FGF1: variants seen among roughly 807,000 people sequenced by gnomAD.
The protein encoded by FGF1 is beta-endothelial cell growth factor.
A neutral mutation model predicts 13.4 loss-of-function variants in FGF1; 9 were observed. The ratio of observed to expected loss-of-function variants is 0.67; its 90% CI spans 0.40 to 1.17. FGF1 has a LOEUF of 1.17. Ranked by LOEUF, FGF1 falls within the 50% of genes most tolerant of loss-of-function variation. The probability of loss-of-function intolerance (pLI) is 0.01; values close to 1 mark genes in which losing one functional copy is unlikely to be tolerated. For synonymous variants in FGF1, 93 were observed against 79.0 expected (o/e 1.18, Z -0.94); for missense variants, 156 against 192.7 (o/e 0.81, Z 1.13).
intron 1 of FGF1, among the ~76,000 whole-genome samples, chr5:142,637,778 A>G (rs1275911341): frequency 6.6e-6 from 1 of 152,046 alleles, no homozygotes; most frequent in Non-Finnish European, 1.5e-5. Context: ...TGGTGTGAGT[A>G]TGATCTCAAG....
rs1337432941 is a variant in FGF1 at position 142,610,601 on chromosome 5, T to C, written c.169+3358A>G. Among the ~76,000 whole-genome samples the C allele has an allele frequency of 2.6e-5, 4 of 152,308 alleles. No homozygotes were observed. The East Asian group carries it at 5.8e-4, about 22-fold the overall frequency. ...ACAACATGAACCTTCTCACAAACTG[T>C]GCCCATCAGCCCTGGAATCTATGCA... On this transcript the variant is annotated intron_variant, in intron 2 of 3. Transcript: ENST00000337706.
intron 2 of FGF1, among the ~76,000 whole-genome samples, chr5:142,612,935 A>T (rs917335962): frequency 1.3e-5 from 2 of 152,272 alleles, no homozygotes; most frequent in African/African-American, 4.8e-5. Context: ...AATTAAGACC[A>T]CCTGATGTAT....
chr5:142,661,077 C>T (rs1326502928), intron 1 of FGF1, among the ~76,000 whole-genome samples: 1 of 152,206 alleles, frequency 6.6e-6, no homozygotes, highest in Non-Finnish European at 1.5e-5. Context: ...TGCAGGCTTG[C>T]CATAGCTAAT....
chr5:142,695,587 G>GA (rs70991777), intron 2 of FGF1, among the ~76,000 whole-genome samples: 70 of 115,270 alleles, frequency 6.1e-4, no homozygotes, highest in Admixed American at 1.9e-3. Flanking sequence ...GTATCAAAAA[G>GA]AAAAAAAAAA....
intron 1 of FGF1, among the ~76,000 whole-genome samples, chr5:142,656,087 A>T (rs889491978): frequency 6.6e-6 from 1 of 152,224 alleles, no homozygotes; most frequent in African/African-American, 2.4e-5. Flanking sequence ...AATTGTTTTT[A>T]AAATTTCTAA....
chr5:142,677,113 A>G (rs1161028519), intron 1 of FGF1, among the ~76,000 whole-genome samples: 2 of 152,208 alleles, frequency 1.3e-5, no homozygotes, highest in Non-Finnish European at 2.9e-5. Context: ...TGGAGCATTC[A>G]TTCTCAACTT....
intron 1 of FGF1, among the ~76,000 whole-genome samples, chr5:142,661,494 A>C (rs1597371332): frequency 6.6e-6 from 1 of 152,380 alleles, no homozygotes; most frequent in East Asian, 1.9e-4. Context: ...TATGCAACTA[A>C]GAGAAATGAA....
At chr5:142,696,226 T>C (rs1753089059) in intron 2 of FGF1, among the ~76,000 whole-genome samples, 1 of 152,222 alleles carries the variant, frequency 6.6e-6, no homozygotes, top group Non-Finnish European at 1.5e-5. Flanking sequence ...TAATACATTT[T>C]TATGGCATGT....
At chr5:142,644,663 G>A (rs1765721565) in intron 1 of FGF1, among the ~76,000 whole-genome samples, 1 of 152,150 alleles carries the variant, frequency 6.6e-6, no homozygotes, top group African/African-American at 2.4e-5. Flanking sequence ...CCCTGAGCAT[G>A]CATGTCATAT....
chr5:142,623,976 A>G (rs1235788024), intron 1 of FGF1, among the ~76,000 whole-genome samples: 2 of 151,824 alleles, frequency 1.3e-5, no homozygotes, highest in Non-Finnish European at 2.9e-5. Flanking sequence ...CTGGAGTGCA[A>G]TGGCACAATC....
chr5:142,637,069 G>A (rs1252015646), intron 1 of FGF1, among the ~76,000 whole-genome samples: 4 of 151,868 alleles, frequency 2.6e-5, no homozygotes, highest in African/African-American at 9.7e-5. Flanking sequence ...TGTGGGTATG[G>A]GCTAAATGCT....
At chr5:142,654,992 A>G (rs1272650280) in intron 1 of FGF1, among the ~76,000 whole-genome samples, 1 of 152,174 alleles carries the variant, frequency 6.6e-6, no homozygotes, top group African/African-American at 2.4e-5. Flanking sequence ...GCTCTGGCCC[A>G]CCCCAGCTCC....
upstream of FGF1, among the ~76,000 whole-genome samples, chr5:142,690,097 G>A (rs1403712896): frequency 3.3e-5 from 5 of 150,160 alleles, no homozygotes; most frequent in African/African-American, 9.7e-5. Flanking sequence ...TGAGGCGGGC[G>A]GATCAAGAGG....
intron 1 of FGF1, among the ~76,000 whole-genome samples, chr5:142,662,372 G>A (rs1222113259): frequency 6.6e-6 from 1 of 152,138 alleles, no homozygotes; most frequent in Non-Finnish European, 1.5e-5. Flanking sequence ...TCAACTTTCT[G>A]TAATTTTGAG....
chr5:142,614,054 T>G lies in FGF1; in HGVS notation c.74A>C (p.Lys25Thr). ...KFNLPPGNYK[K>T]PKLLYCSNGG... The stretch of plus-strand genomic sequence containing the variant: ...GTTGCTACAGTAGAGGAGTTTGGGC[T>G]TCTTGTAATTCCCTGGAGGCAGATT... Residue 25 changes from lysine (K) to threonine (T), a missense_variant, in exon 2 of 4, where the codon AAG becomes ACG. Physicochemically the swap from Lys to Thr is moderately conservative, Grantham distance 78. Coordinates refer to ENST00000337706, the MANE Select transcript of FGF1 (RefSeq NM_000800.5). 2 of 1,614,164 alleles carry G rather than the reference T, an allele frequency of 1.2e-6. No homozygotes were observed. Among genetic ancestry groups the G allele is most frequent in the East Asian group, 2.2e-5 (1 of 44,886 alleles).
intron 1 of FGF1, among the ~76,000 whole-genome samples, chr5:142,624,920 A>T (rs1370804397): frequency 6.6e-6 from 1 of 152,244 alleles, no homozygotes; most frequent in Non-Finnish European, 1.5e-5. Flanking sequence ...CATTGTGTTA[A>T]TAATACTTAT....
At chr5:142,622,514 A>C (rs1761813454) in intron 1 of FGF1, among the ~76,000 whole-genome samples, 1 of 152,232 alleles carries the variant, frequency 6.6e-6, no homozygotes, top group Non-Finnish European at 1.5e-5. Flanking sequence ...CCCTGTCCTC[A>C]TCTTGTAATA....
At chr5:142,657,410 A>AC (rs566215248) in intron 1 of FGF1, among the ~76,000 whole-genome samples, 6 of 150,674 alleles carry the variant, frequency 4.0e-5, no homozygotes, top group Admixed American at 6.6e-5. Flanking sequence ...GGATGTCAGC[A>AC]CCCCCCCAAC....
At chr5:142,602,238 G>A (rs1052914508) in intron 2 of FGF1, among the ~76,000 whole-genome samples, 2 of 151,462 alleles carry the variant, frequency 1.3e-5, no homozygotes, top group Non-Finnish European at 2.9e-5. Flanking sequence ...GTGCAGTGGC[G>A]CGATCTCGGC....
Sources: gnomAD v4.1 joint callset for allele counts (sites outside exome capture counted in the v4.1 genomes callset) on GRCh38, gnomAD v4.1.1 for gene constraint, MANE v1.5 for transcripts, NCBI Gene and HGNC (gene_info 2026-07-23, HGNC 2026-07-21) for gene names.